Variants in TTC29 observed in about 807,000 individuals in gnomAD.
TTC29 encodes tetratricopeptide repeat domain 29, also known as tetratricopeptide repeat protein 29.
In TTC29, 49 loss-of-function variants were observed where a neutral mutation model predicts 58.1. The observed-to-expected ratio is 0.84, with a 90% CI of 0.67 to 1.07. The LOEUF is 1.07. Among genes scored for constraint, TTC29 ranks in the 50% least tolerant of loss-of-function variants. TTC29 has a pLI of 0.00. For missense variants in TTC29, 582 were observed against 555.6 expected, an observed-to-expected ratio of 1.05 and a Z score of -0.48; for synonymous variants, 209 against 196.8, an observed-to-expected ratio of 1.06 and a Z score of -0.52.
chr4:146,833,637 T>C (rs993467614), intron 9 of TTC29, among the ~76,000 whole-genome samples, 169 bp downstream of exon 9: 2 of 152,228 alleles, frequency 1.3e-5, no homozygotes, highest in African/African-American at 4.8e-5. Flanking sequence ...ATGCATATTT[T>C]AAACTACCAA....
intron 11 of TTC29, among the ~76,000 whole-genome samples, chr4:146,793,502 T>C (rs1378381668): frequency 6.6e-6 from 1 of 152,168 alleles, no homozygotes; most frequent in Non-Finnish European, 1.5e-5. Flanking sequence ...AAAATGCTAT[T>C]GCACACCTAA....
chr4:146,936,927 GA>G (rs1227019621), intron 4 of TTC29, among the ~76,000 whole-genome samples: 1 of 151,958 alleles, frequency 6.6e-6, no homozygotes, highest in Non-Finnish European at 1.5e-5. Context: ...ATACTTACAT[GA>G]AAAGATGTGA....
chr4:146,814,757 G>T (rs1293968299), intron 10 of TTC29, among the ~76,000 whole-genome samples: 4 of 151,258 alleles, frequency 2.6e-5, no homozygotes, highest in Admixed American at 1.3e-4. Context: ...AAAAGGGGAG[G>T]GGGGCGACTT....
intron 11 of TTC29, among the ~76,000 whole-genome samples, chr4:146,774,749 C>T (rs1251385788): frequency 1.3e-5 from 2 of 151,956 alleles, no homozygotes; most frequent in Non-Finnish European, 2.9e-5. Context: ...GGTCAAGTGT[C>T]GAGTTCAGGC....
chr4:146,794,429 C>A (rs999492715), intron 11 of TTC29, among the ~76,000 whole-genome samples: 1 of 152,084 alleles, frequency 6.6e-6, no homozygotes, highest in African/African-American at 2.4e-5. Flanking sequence ...TAGTTTATTT[C>A]CCCTTTTCCA....
chr4:146,942,695 T>G, intron 2 of TTC29: 1 of 1,400,070 alleles, frequency 7.1e-7, no homozygotes, highest in Non-Finnish European at 9.6e-7. Flanking sequence ...CTAGTAAATT[T>G]AAAAAGGGAG....
rs953823002 is a variant in TTC29 at position 146,909,321 on chromosome 4, A to G, written c.177-72T>C. The G allele has an allele frequency of 7.5e-5, 90 of 1,199,430 alleles. No homozygotes were observed. In the African/African-American group the frequency reaches 1.3e-3, roughly 18 times the overall value. The allele number at this position is 1,199,430 out of a possible 1,614,324, so 74.3% of individuals were successfully genotyped here. A position where few individuals can be genotyped will look rare whatever the true frequency, so the allele number is the denominator to read the frequency against. ...AGTCTGCACGGTATTTTCATTCTCTAATAATTAAAGGTTGAATCATGTTGC... is the reference window on the plus strand; with the variant it reads ...AGTCTGCACGGTATTTTCATTCTCTGATAATTAAAGGTTGAATCATGTTGC... On this transcript the variant is annotated intron_variant, in intron 4 of 12. Transcript: ENST00000325106.
At chr4:146,733,008 G>T (rs1579549967) in intron 11 of TTC29, among the ~76,000 whole-genome samples, 1 of 152,202 alleles carries the variant, frequency 6.6e-6, no homozygotes, top group Non-Finnish European at 1.5e-5. Context: ...TTAGCACAAG[G>T]CAGCCAAAGG....
At chr4:146,746,507 T>C (rs1002276934) in intron 11 of TTC29, among the ~76,000 whole-genome samples, 1 of 152,238 alleles carries the variant, frequency 6.6e-6, no homozygotes, top group African/African-American at 2.4e-5. Context: ...AAAATAGTCA[T>C]AATTTTCTGT....
intron 8 of TTC29, among the ~76,000 whole-genome samples, chr4:146,841,092 C>A (rs1474726927): frequency 1.3e-5 from 2 of 152,152 alleles, no homozygotes; most frequent in African/African-American, 4.8e-5. Context: ...GCAGGTCATT[C>A]ATTTTCATCC....
chr4:146,862,168 G>A (rs1447079424), intron 8 of TTC29, among the ~76,000 whole-genome samples: 1 of 151,816 alleles, frequency 6.6e-6, no homozygotes, highest in Non-Finnish European at 1.5e-5. Flanking sequence ...AAAAATATAT[G>A]TTGAATATTT....
At chr4:146,869,194 T>C (rs1276341345) in intron 7 of TTC29, among the ~76,000 whole-genome samples, 1 of 151,508 alleles carries the variant, frequency 6.6e-6, no homozygotes, top group African/African-American at 2.4e-5. Context: ...ACAGGAAGTA[T>C]CCTTAGATTT....
intron 4 of TTC29, among the ~76,000 whole-genome samples, chr4:146,931,852 A>G (rs1735357912): frequency 6.6e-6 from 1 of 152,158 alleles, no homozygotes; most frequent in East Asian, 1.9e-4. Context: ...ATTTGAGACC[A>G]TTTTTTTGTA....
intron 6 of TTC29, among the ~76,000 whole-genome samples, chr4:146,882,341 G>T (rs1731684044): frequency 6.6e-6 from 1 of 152,036 alleles, no homozygotes. Context: ...ATAATTGGAG[G>T]TATCAAAGTT....
chr4:146,765,159 C>T lies in TTC29; in HGVS notation c.1330+38298G>A, dbSNP rs1579623630. 2.6e-5 allele frequency among the ~76,000 whole-genome samples: 4 copies of T among 152,116 alleles called. No individual in the cohort carries two copies. The South Asian group carries it at 8.3e-4, about 32-fold the overall frequency. ...TTTTAAAATTGTTGGTCTTTTATAA[C>T]TTAAAGGCATGTACATGCAGATATG... On this transcript the variant is annotated intron_variant, in intron 11 of 12. Transcript: ENST00000325106.
chr4:146,916,809 ATC>A (rs1367111092), intron 4 of TTC29, among the ~76,000 whole-genome samples: 4 of 151,516 alleles, frequency 2.6e-5, no homozygotes, highest in Non-Finnish European at 4.4e-5. Flanking sequence ...ATGGTATTCT[ATC>A]TCATCCATCT....
At chr4:146,766,258 C>A (rs914980895) in intron 11 of TTC29, among the ~76,000 whole-genome samples, 1 of 151,978 alleles carries the variant, frequency 6.6e-6, no homozygotes, top group African/African-American at 2.4e-5. Context: ...ATAGTTTTGG[C>A]ACATGAGAGA....
chr4:146,811,604 G>T (rs72958226), intron 10 of TTC29, among the ~76,000 whole-genome samples: 1 of 152,114 alleles, frequency 6.6e-6, no homozygotes, highest in Admixed American at 6.5e-5. Flanking sequence ...AAGTTTTGCC[G>T]TATGAGTTGT....
intron 8 of TTC29, among the ~76,000 whole-genome samples, chr4:146,848,384 T>C (rs1346129257): frequency 2.0e-5 from 3 of 152,142 alleles, no homozygotes; most frequent in Admixed American, 2.0e-4. Context: ...AGATGAAGAA[T>C]GGTAGGATAA....
Sources: gnomAD v4.1 joint callset for allele counts (sites outside exome capture counted in the v4.1 genomes callset) on GRCh38, gnomAD v4.1.1 for gene constraint, MANE v1.5 for transcripts, NCBI Gene and HGNC (gene_info 2026-07-23, HGNC 2026-07-21) for gene names.